MBNL1: variants seen among roughly 807,000 people sequenced by gnomAD.
MBNL1 encodes muscleblind-like protein 1.
In MBNL1, 8 loss-of-function variants were observed where a neutral mutation model predicts 42.2. The ratio of observed to expected loss-of-function variants is 0.19; its 90% CI spans 0.11 to 0.34. The LOEUF is 0.34. Ranked by LOEUF, MBNL1 falls within the 10% of genes least tolerant of loss-of-function variation. The pLI is 1.00. For missense variants in MBNL1, 309 were observed against 495.3 expected, an observed-to-expected ratio of 0.62 and a Z score of 3.57; for synonymous variants, 169 against 173.9, an observed-to-expected ratio of 0.97 and a Z score of 0.22.
chr3:152,306,542 AT>A (rs2063239800), intron 2 of MBNL1, among the ~76,000 whole-genome samples: 2 of 152,122 alleles, frequency 1.3e-5, no homozygotes, highest in South Asian at 4.1e-4. Context: ...TCAGCCAGTA[AT>A]TTTTCAGTCT....
intron 1 of MBNL1, among the ~76,000 whole-genome samples, chr3:152,286,387 T>C (rs1477052047): frequency 7.2e-6 from 1 of 138,816 alleles, no homozygotes; most frequent in Non-Finnish European, 1.6e-5. Flanking sequence ...AATATTTAAT[T>C]ATATTTTATT....
intron 2 of MBNL1, among the ~76,000 whole-genome samples, chr3:152,389,359 G>C (rs6765523): frequency 0.12 from 18,247 of 152,204 alleles, 1,243 homozygotes; most frequent in Middle Eastern, 0.18. Context: ...AAAGTACTAG[G>C]AGTAGCACAG....
chr3:152,401,347 T>C (rs79101893), intron 2 of MBNL1, among the ~76,000 whole-genome samples: 5,080 of 152,266 alleles, frequency 0.033, 287 homozygotes, highest in African/African-American at 0.12. Flanking sequence ...AAAGAAAACT[T>C]CTTTAGTAAG....
chr3:152,327,696 G>C (rs529850566), intron 2 of MBNL1, among the ~76,000 whole-genome samples: 57 of 152,144 alleles, frequency 3.7e-4, no homozygotes, highest in African/African-American at 1.3e-3. Flanking sequence ...CACTCGTGAT[G>C]TGATTTAAAA....
chr3:152,451,059 C>T (rs1721896564), intron 6 of MBNL1, among the ~76,000 whole-genome samples: 1 of 152,180 alleles, frequency 6.6e-6, no homozygotes, highest in Non-Finnish European at 1.5e-5. Context: ...TTGGAAGGTA[C>T]ACTTTTGAAG....
intron 2 of MBNL1, 53 bp from the exon 3 acceptor site, chr3:152,414,888 T>A: frequency 6.3e-7 from 1 of 1,579,564 alleles, no homozygotes; most frequent in Non-Finnish European, 8.6e-7. Context: ...TTTTTCATAA[T>A]TTGCTGATTT....
At chr3:152,362,044 C>G (rs1005000688) in intron 2 of MBNL1, among the ~76,000 whole-genome samples, 2 of 152,152 alleles carry the variant, frequency 1.3e-5, no homozygotes, top group African/African-American at 4.8e-5. Context: ...AGACACCTGG[C>G]TTTGTAAAAG....
intron 2 of MBNL1, among the ~76,000 whole-genome samples, chr3:152,307,299 A>G (rs2063699422): frequency 6.6e-6 from 1 of 152,154 alleles, no homozygotes; most frequent in Non-Finnish European, 1.5e-5. Flanking sequence ...TACTATTCAT[A>G]TTTATATAAA....
At chr3:152,367,301 G>A (rs1379455827) in intron 2 of MBNL1, among the ~76,000 whole-genome samples, 1 of 151,662 alleles carries the variant, frequency 6.6e-6, no homozygotes, top group Non-Finnish European at 1.5e-5. Context: ...TCCTGTGTTA[G>A]TTTGCTGAGA....
intron 2 of MBNL1, among the ~76,000 whole-genome samples, chr3:152,347,059 T>C (rs2152932169): frequency 6.6e-6 from 1 of 152,088 alleles, no homozygotes; most frequent in African/African-American, 2.4e-5. Flanking sequence ...ATATTGTAAT[T>C]TCAAAGTTTA....
chr3:152,419,496 C>G (rs1024086201), intron 3 of MBNL1, among the ~76,000 whole-genome samples: 2 of 152,090 alleles, frequency 1.3e-5, no homozygotes, highest in African/African-American at 4.8e-5. Flanking sequence ...CTTCCCTAGC[C>G]AAGGGAAGCC....
At chr3:152,417,682 TGAAG>T (rs774376872) in intron 3 of MBNL1, among the ~76,000 whole-genome samples, 3 of 151,876 alleles carry the variant, frequency 2.0e-5, no homozygotes, top group Non-Finnish European at 2.9e-5. Context: ...AAAGAACAAA[TGAAG>T]GAAGGAGTTT....
chr3:152,374,294 G>C (rs1284415215), intron 2 of MBNL1, among the ~76,000 whole-genome samples: 2 of 152,180 alleles, frequency 1.3e-5, no homozygotes, highest in East Asian at 3.8e-4. Flanking sequence ...TGGGAGGTCA[G>C]AGTTGGATGG....
intron 6 of MBNL1, among the ~76,000 whole-genome samples, chr3:152,449,770 G>A (rs555402053): frequency 6.6e-6 from 1 of 152,198 alleles, no homozygotes; most frequent in Non-Finnish European, 1.5e-5. Flanking sequence ...CATTTATTAT[G>A]ATGCATTTTG....
chr3:152,360,405 GA>G (rs1488619537), intron 2 of MBNL1, among the ~76,000 whole-genome samples: 1 of 151,884 alleles, frequency 6.6e-6, no homozygotes, highest in Non-Finnish European at 1.5e-5. Flanking sequence ...TGTTTTCATT[GA>G]AAAAAATCAA....
At chr3:152,376,460 G>C (rs894526907) in intron 2 of MBNL1, among the ~76,000 whole-genome samples, 6 of 152,152 alleles carry the variant, frequency 3.9e-5, no homozygotes, top group African/African-American at 1.4e-4. Flanking sequence ...AAGCTCTTGA[G>C]AGTGTAGTTA....
intron 1 of MBNL1, among the ~76,000 whole-genome samples, chr3:152,283,451 T>G (rs1405212336): frequency 6.6e-6 from 1 of 152,198 alleles, no homozygotes; most frequent in African/African-American, 2.4e-5. Flanking sequence ...ATGATGAAAT[T>G]GAGCACTAAA....
At chr3:152,307,675 C>T (rs749888566) in intron 2 of MBNL1, among the ~76,000 whole-genome samples, 43 of 152,216 alleles carry the variant, frequency 2.8e-4, no homozygotes, top group South Asian at 2.3e-3. Context: ...CTTGGAGCCT[C>T]GTAATCTGAT....
At chr3:152,341,217 ATG>A (rs1246947774) in intron 2 of MBNL1, among the ~76,000 whole-genome samples, 1 of 152,200 alleles carries the variant, frequency 6.6e-6, no homozygotes, top group Non-Finnish European at 1.5e-5. Flanking sequence ...ATTTTTTAAA[ATG>A]TGTGGCACAG....
Sources: allele counts gnomAD v4.1 joint callset (sites outside exome capture counted in the v4.1 genomes callset), GRCh38; gene constraint gnomAD v4.1.1; transcripts MANE v1.5; gene names NCBI Gene and HGNC (gene_info 2026-07-23, HGNC 2026-07-21).